The following KCTD8 variants were observed in gnomAD, a reference collection of about 807,000 sequenced individuals.
KCTD8 encodes potassium channel tetramerization domain containing 8, also known as BTB/POZ domain-containing protein KCTD8.
A neutral mutation model predicts 31.5 loss-of-function variants in KCTD8; 27 were observed. That is an observed-to-expected ratio of 0.86 (90% confidence interval 0.63 to 1.18). The LOEUF is 1.18. Among genes scored for constraint, KCTD8 ranks in the 50% most tolerant of loss-of-function variants. KCTD8 has a pLI of 0.00. For synonymous variants in KCTD8, 290 were observed against 280.0 expected, an observed-to-expected ratio of 1.04 and a Z score of -0.36; for missense variants, 658 against 647.7, an observed-to-expected ratio of 1.02 and a Z score of -0.17.
chr4:44,242,706 T>G (rs937729891), intron 1 of KCTD8, among the ~76,000 whole-genome samples: 1 of 152,110 alleles, frequency 6.6e-6, no homozygotes. Context: ...TGGGAGGTGA[T>G]TGGATCATGG....
At chr4:44,303,147 C>T (rs1717682887) in intron 1 of KCTD8, among the ~76,000 whole-genome samples, 2 of 152,078 alleles carry the variant, frequency 1.3e-5, no homozygotes, top group Non-Finnish European at 2.9e-5. Context: ...ATTTTTGCAT[C>T]GATGTTCATC....
intron 1 of KCTD8, among the ~76,000 whole-genome samples, chr4:44,385,487 C>G (rs1394072889): frequency 6.6e-6 from 1 of 151,630 alleles, no homozygotes; most frequent in Non-Finnish European, 1.5e-5. Flanking sequence ...GCTTGGAAAA[C>G]TGTATATCTA....
intron 1 of KCTD8, among the ~76,000 whole-genome samples, chr4:44,444,176 C>T (rs1256546633): frequency 6.6e-6 from 1 of 152,154 alleles, no homozygotes; most frequent in African/African-American, 2.4e-5. Flanking sequence ...TGGATACAAG[C>T]ACTTAAGGAG....
intron 1 of KCTD8, among the ~76,000 whole-genome samples, chr4:44,429,951 C>T (rs1721434919): frequency 6.6e-6 from 1 of 151,544 alleles, no homozygotes; most frequent in South Asian, 2.1e-4. Flanking sequence ...ATTGCAATGG[C>T]TTTCCTTTCC....
chr4:44,370,959 GA>G (rs1207928418), intron 1 of KCTD8, among the ~76,000 whole-genome samples: 1 of 151,998 alleles, frequency 6.6e-6, no homozygotes, highest in African/African-American at 2.4e-5. Flanking sequence ...TGGCTCATAT[GA>G]TATGGAAGCC....
intron 1 of KCTD8, among the ~76,000 whole-genome samples, chr4:44,192,105 A>C (rs1354011520): frequency 6.6e-6 from 1 of 152,210 alleles, no homozygotes; most frequent in African/African-American, 2.4e-5. Flanking sequence ...GGAAAATAGA[A>C]TATGCATTGA....
intron 1 of KCTD8, among the ~76,000 whole-genome samples, chr4:44,285,774 A>G (rs1168038825): frequency 6.6e-6 from 1 of 152,098 alleles, no homozygotes; most frequent in Non-Finnish European, 1.5e-5. Context: ...AAGTCTTCTT[A>G]TTTAAGAAAT....
chr4:44,301,218 T>C (rs375386472), intron 1 of KCTD8, among the ~76,000 whole-genome samples: 1 of 152,230 alleles, frequency 6.6e-6, no homozygotes. Context: ...TTATAGTCCT[T>C]TGGGTATATA....
At chr4:44,375,210 T>G (rs984009311) in intron 1 of KCTD8, among the ~76,000 whole-genome samples, 2 of 152,034 alleles carry the variant, frequency 1.3e-5, no homozygotes, top group African/African-American at 4.8e-5. Context: ...AGGGGCGGCC[T>G]GCTGAGGAAC....
intron 1 of KCTD8, among the ~76,000 whole-genome samples, chr4:44,259,248 C>G (rs921717894): frequency 6.6e-6 from 1 of 150,686 alleles, no homozygotes; most frequent in Non-Finnish European, 1.5e-5. Flanking sequence ...TGATCTTCCA[C>G]ATGCAAGTCA....
intron 1 of KCTD8, among the ~76,000 whole-genome samples, chr4:44,328,050 C>T (rs2020159): frequency 0.5 from 76,458 of 151,520 alleles, 20,074 homozygotes; most frequent in African/African-American, 0.63. Context: ...AATTTATTAG[C>T]TTACTAATAT....
chr4:44,379,584 G>A (rs1019208172), intron 1 of KCTD8, among the ~76,000 whole-genome samples: 1 of 152,056 alleles, frequency 6.6e-6, no homozygotes, highest in African/African-American at 2.4e-5. Flanking sequence ...AAGCACACAT[G>A]CACATATGCA....
intron 1 of KCTD8, among the ~76,000 whole-genome samples, chr4:44,300,606 C>A (rs1717582838): frequency 6.6e-6 from 1 of 151,990 alleles, no homozygotes; most frequent in South Asian, 2.1e-4. Context: ...AATCTGATTG[C>A]AACAAGAGAA....
intron 1 of KCTD8, among the ~76,000 whole-genome samples, chr4:44,342,246 G>A (rs913780813): frequency 2.6e-5 from 4 of 151,764 alleles, no homozygotes; most frequent in African/African-American, 9.7e-5. Flanking sequence ...GCAGACGCCT[G>A]TAGTCCCAGC....
At chr4:44,378,291 C>T (rs1049801670) in intron 1 of KCTD8, among the ~76,000 whole-genome samples, 3 of 147,462 alleles carry the variant, frequency 2.0e-5, no homozygotes, top group African/African-American at 7.4e-5. Flanking sequence ...GGGCACAATA[C>T]TATACATACT....
intron 1 of KCTD8, among the ~76,000 whole-genome samples, chr4:44,273,581 A>G (rs964585791): frequency 1.2e-4 from 18 of 151,956 alleles, no homozygotes; most frequent in African/African-American, 4.3e-4. Flanking sequence ...CAATTTTCCT[A>G]AATTCAAAAG....
rs570201470 is a variant in KCTD8 at position 44,396,492 on chromosome 4, T to C, written c.961+51071A>G. On this transcript the variant is annotated intron_variant, in intron 1 of 1. Transcript: ENST00000360029. The stretch of plus-strand genomic sequence containing the variant: ...TTTTAATTCTATCACATTAAACAGA[T>C]ACTTGCCATTTTGTTTCTTCTTAAA... Among the ~76,000 whole-genome samples, 142 of 152,180 alleles carry C rather than the reference T, an allele frequency of 9.3e-4. 1 individual carries two copies. The highest frequency in any genetic ancestry group is 3.1e-3 in the African/African-American group (130 of 41,554).
chr4:44,399,277 C>A (rs536235020), intron 1 of KCTD8, among the ~76,000 whole-genome samples: 2 of 152,030 alleles, frequency 1.3e-5, no homozygotes, highest in South Asian at 4.1e-4. Context: ...TGAAAAGTAA[C>A]TGATTAGTGA....
intron 1 of KCTD8, among the ~76,000 whole-genome samples, chr4:44,232,872 C>T (rs1394132004): frequency 1.3e-5 from 2 of 151,752 alleles, no homozygotes; most frequent in Non-Finnish European, 2.9e-5. Flanking sequence ...GAAATGTGGA[C>T]ATAAATGATG....
Sources: allele counts gnomAD v4.1 joint callset (sites outside exome capture counted in the v4.1 genomes callset), GRCh38; gene constraint gnomAD v4.1.1; transcripts MANE v1.5; gene names NCBI Gene and HGNC (gene_info 2026-07-23, HGNC 2026-07-21).